VPS33A: variants seen among roughly 807,000 people sequenced by gnomAD.
VPS33A encodes VPS33A core subunit of CORVET and HOPS complexes, also known as vacuolar protein sorting-associated protein 33A.
Under a neutral mutation model 71.8 loss-of-function variants are expected in VPS33A, and 32 were observed. The ratio of observed to expected loss-of-function variants is 0.45; its 90% confidence interval spans 0.34 to 0.60. The LOEUF is 0.60. Ranked by LOEUF, VPS33A falls within the 20% of genes least tolerant of loss-of-function variation. The pLI is 0.02. For missense variants in VPS33A, 625 were observed against 748.5 expected, an observed-to-expected ratio of 0.84 and a Z score of 1.92; for synonymous variants, 311 against 292.7, an observed-to-expected ratio of 1.06 and a Z score of -0.64.
At chr12:122,255,707 CAAAAAA>C (rs71082953) in intron 4 of VPS33A, among the ~76,000 whole-genome samples, 4 of 35,470 alleles carry the variant, frequency 1.1e-4, no homozygotes, top group Admixed American at 7.5e-4. Flanking sequence ...GACTCCGTCT[CAAAAAA>C]AAAAAAAAAA....
chr12:122,241,130 G>A (rs1390476968), intron 8 of VPS33A: 3 of 129,602 alleles, frequency 2.3e-5, no homozygotes, highest in East Asian at 4.6e-4. Flanking sequence ...GTGAAACTCC[G>A]TCTCAAAAAA....
chr12:122,244,366 G>A (rs1041075064), intron 7 of VPS33A, among the ~76,000 whole-genome samples: 6 of 152,176 alleles, frequency 3.9e-5, no homozygotes, highest in Non-Finnish European at 5.9e-5. Flanking sequence ...CACACAAAAA[G>A]AACTTTACGC....
intron 4 of VPS33A, among the ~76,000 whole-genome samples, chr12:122,255,884 GC>G (rs2136144799): frequency 6.6e-6 from 1 of 152,178 alleles, no homozygotes; most frequent in African/African-American, 2.4e-5. Context: ...GCGCCCTGCA[GC>G]CTCAACCTCC....
intron 12 of VPS33A, 139 bp downstream of exon 12, chr12:122,232,661 A>T: frequency 8.6e-7 from 1 of 1,167,274 alleles, no homozygotes; most frequent in Non-Finnish European, 1.2e-6. Context: ...AGTTCTTACT[A>T]CATACATTAG....
intron 11 of VPS33A, among the ~76,000 whole-genome samples, chr12:122,233,460 A>T (rs555361242): frequency 6.6e-6 from 1 of 152,260 alleles, no homozygotes; most frequent in African/African-American, 2.4e-5. Context: ...TTCTGACCTC[A>T]GGTGATCCAC....
At chr12:122,256,808 T>C (rs946393108) in intron 4 of VPS33A, among the ~76,000 whole-genome samples, 2 of 152,164 alleles carry the variant, frequency 1.3e-5, no homozygotes, top group East Asian at 3.8e-4. Context: ...TCGGCAGCAC[T>C]GCCTCCAACA....
In VPS33A at chr12:122,232,398, T is replaced by C. The variant is rs763481573; in HGVS notation, c.1639A>G (p.Ile547Val). 2 of 1,613,204 alleles carry C rather than the reference T, an allele frequency of 1.2e-6. No homozygotes were observed. Among genetic ancestry groups the C allele is most frequent in the Admixed American group, 1.7e-5 (1 of 59,776 alleles). ...RQPGENRVTL[I>V]FFLGGVTFAE... ...AAGGTTACGCCCCCAAGGAAAAATA[T>C]CAGAGTCACTCGGTTTTCTCCCGGT... is the stretch of plus-strand genomic sequence containing the variant. The change falls in exon 13 of 13, where the codon ATA becomes GTA. Residue 547 changes from isoleucine to valine, a missense_variant. Physicochemically the swap from Ile to Val is conservative, Grantham distance 29 (BLOSUM62 3). Coordinates refer to ENST00000267199, the MANE Select transcript of VPS33A (RefSeq NM_022916.6).
At chr12:122,238,219 AT>A (rs1340686903) in intron 10 of VPS33A, among the ~76,000 whole-genome samples, 1 of 151,882 alleles carries the variant, frequency 6.6e-6, no homozygotes, top group African/African-American at 2.4e-5. Context: ...TTAATTTTAA[AT>A]TTTTTATTAT....
intron 6 of VPS33A, 57 bp from the exon 7 acceptor site, chr12:122,244,819 C>A (rs1159308412): frequency 1.3e-6 from 2 of 1,529,706 alleles, no homozygotes; most frequent in African/African-American, 2.7e-5. Flanking sequence ...AGAACCAATC[C>A]GGTAACCAAG....
intron 10 of VPS33A, 152 bp from the exon 11 acceptor site, chr12:122,236,075 G>A: frequency 1.1e-6 from 1 of 879,238 alleles, no homozygotes; most frequent in East Asian, 2.8e-5. Context: ...CAGAGGACAG[G>A]GTGGAGGGAT....
At chr12:122,265,245 G>C (rs1053938666) in intron 1 of VPS33A, among the ~76,000 whole-genome samples, 1 of 151,986 alleles carries the variant, frequency 6.6e-6, no homozygotes, top group Non-Finnish European at 1.5e-5. Context: ...ATCCTTAAAA[G>C]CTCAGTAAAT....
At chr12:122,259,407 C>T (rs762651814) in intron 4 of VPS33A, among the ~76,000 whole-genome samples, 6 of 151,910 alleles carry the variant, frequency 3.9e-5, no homozygotes, top group African/African-American at 7.3e-5. Flanking sequence ...TTAGTAGAGA[C>T]GGGATTTCTC....
rs1181048310 is a variant in VPS33A, at chr12:122,241,463, C to T, written c.1096+919G>A. Among the ~76,000 whole-genome samples, 8 of 152,086 alleles carry T rather than the reference C, an allele frequency of 5.3e-5. 1 individual carries two copies. Among genetic ancestry groups the T allele is most frequent in the African/African-American group, 1.9e-4 (8 of 41,416 alleles). ...GGGATTACAGGTGCCCGCCACCACA[C>T]CTGGCTAATTTTTGTATTTTTAGTA... On this transcript the variant is annotated intron_variant, in intron 8 of 12. Coordinates refer to ENST00000267199, the MANE Select transcript of VPS33A (RefSeq NM_022916.6).
chr12:122,234,788 T>C (rs1037719718), intron 11 of VPS33A, among the ~76,000 whole-genome samples: 1 of 152,194 alleles, frequency 6.6e-6, no homozygotes, highest in Non-Finnish European at 1.5e-5. Flanking sequence ...AGGATGACGT[T>C]GTCACTGGCC....
At chr12:122,236,443 C>A (rs937802854) in intron 10 of VPS33A, among the ~76,000 whole-genome samples, 1 of 152,066 alleles carries the variant, frequency 6.6e-6, no homozygotes, top group Non-Finnish European at 1.5e-5. Context: ...AGTTTGAGAC[C>A]AGCCTGGCCA....
At chr12:122,263,312 A>T (rs909932029) in intron 3 of VPS33A, among the ~76,000 whole-genome samples, 9 of 152,170 alleles carry the variant, frequency 5.9e-5, no homozygotes, top group African/African-American at 1.7e-4. Context: ...AAGTTTAAAA[A>T]TACGTAATTA....
At chr12:122,262,008 A>C (rs1395349554) in intron 3 of VPS33A, among the ~76,000 whole-genome samples, 2 of 151,960 alleles carry the variant, frequency 1.3e-5, no homozygotes, top group African/African-American at 4.8e-5. Flanking sequence ...TCTCAAAATA[A>C]ATAAATAAAA....
chr12:122,262,398 A>C (rs892136308), intron 3 of VPS33A, among the ~76,000 whole-genome samples: 3 of 152,238 alleles, frequency 2.0e-5, no homozygotes, highest in African/African-American at 7.2e-5. Flanking sequence ...TCTTCAACCA[A>C]AGCAATGCAG....
intron 8 of VPS33A, 127 bp from the exon 9 acceptor site, chr12:122,240,072 A>T: frequency 1.4e-6 from 1 of 705,496 alleles, no homozygotes; most frequent in Non-Finnish European, 2.4e-6. Context: ...TCACACCTGT[A>T]ATCTCAGCAC....
Sources: gnomAD v4.1 joint callset for allele counts (sites outside exome capture counted in the v4.1 genomes callset) on GRCh38, gnomAD v4.1.1 for gene constraint, MANE v1.5 for transcripts, NCBI Gene and HGNC (gene_info 2026-07-23, HGNC 2026-07-21) for gene names.